The following SYNPO2 variants were observed in gnomAD, a reference collection of about 807,000 sequenced individuals.
SYNPO2 encodes synaptopodin-2.
In SYNPO2, 56 loss-of-function variants were observed where a neutral mutation model predicts 85.0. The observed-to-expected ratio is 0.66, with a 90% CI of 0.53 to 0.82. The LOEUF is 0.82. SYNPO2 is among the 40% of genes least tolerant of loss of function. The pLI, the probability that SYNPO2 is intolerant of heterozygous loss-of-function variation, is 0.00. For synonymous variants in SYNPO2, 602 were observed against 591.1 expected (o/e 1.02, Z -0.27); for missense variants, 1,575 against 1,534.2 (o/e 1.03, Z -0.44).
chr4:119,045,660 T>A (rs1738850617), intron 4 of SYNPO2, among the ~76,000 whole-genome samples: 1 of 152,238 alleles, frequency 6.6e-6, no homozygotes, highest in Non-Finnish European at 1.5e-5. Flanking sequence ...AAGAGAGAAC[T>A]TCAGAAAATA....
chr4:118,900,227 A>C lies in SYNPO2; in HGVS notation c.105+11086A>C, dbSNP rs1262839085. 5.3e-5 allele frequency among the ~76,000 whole-genome samples: 8 copies of C among 152,298 alleles called. No homozygotes were observed. In the East Asian group the frequency reaches 1.2e-3, roughly 22 times the overall value. Reference sequence around the variant, plus strand: ...AGAATTTTCTTTCATTTCTTTTTGAAAATTTGCTTTCAAAGCAATTCATGT... The same window carrying C: ...AGAATTTTCTTTCATTTCTTTTTGACAATTTGCTTTCAAAGCAATTCATGT... On this transcript the variant is annotated intron_variant, in intron 1 of 4. Transcript: ENST00000307142.
chr4:118,985,682 C>G (rs563323032), intron 1 of SYNPO2, among the ~76,000 whole-genome samples: 2 of 152,216 alleles, frequency 1.3e-5, no homozygotes, highest in Admixed American at 6.5e-5. Flanking sequence ...TTAATCAATG[C>G]CAATTAGGCA....
Position 119,037,296 on chromosome 4 carries a change from GA to G in SYNPO2, c.3252+5277del, listed in dbSNP as rs1272059825. 88 of 1,291,138 alleles carry G rather than the reference GA, an allele frequency of 6.8e-5. No homozygotes were observed. The Middle Eastern group carries it at 1.0e-3, about 15-fold the overall frequency. 80.0% of individuals were successfully genotyped at this position (1,291,138 alleles called of 1,614,324 possible). A position where few individuals can be genotyped will look rare whatever the true frequency, so the allele number is the denominator to read the frequency against. ...TAATAACTACTGATGGTTTGTTCAT[GA>G]AAAAAAATTTTTAAATCAAAAGATT... On this transcript the variant is annotated intron_variant, in intron 4 of 4. Coordinates refer to ENST00000307142, the MANE Select transcript of SYNPO2 (RefSeq NM_133477.3).
chr4:118,965,856 G>A (rs1735298378), intron 1 of SYNPO2, among the ~76,000 whole-genome samples: 1 of 152,014 alleles, frequency 6.6e-6, no homozygotes, highest in Non-Finnish European at 1.5e-5. Context: ...GCTGAGACGG[G>A]AGGATCACTT....
chr4:119,004,312 G>A (rs968244872), intron 1 of SYNPO2, among the ~76,000 whole-genome samples: 15 of 151,866 alleles, frequency 9.9e-5, no homozygotes, highest in Non-Finnish European at 1.8e-4. Flanking sequence ...TGCCATGTTG[G>A]TGTGCTGCAC....
chr4:119,037,290 G>A, intron 4 of SYNPO2: 1 of 1,306,140 alleles, frequency 7.7e-7, no homozygotes, highest in Non-Finnish European at 9.8e-7. Context: ...CTGATGGTTT[G>A]TTCATGAAAA....
chr4:119,015,217 C>T (rs1445078626), intron 1 of SYNPO2, among the ~76,000 whole-genome samples: 1 of 152,182 alleles, frequency 6.6e-6, no homozygotes, highest in Non-Finnish European at 1.5e-5. Flanking sequence ...CTCGAAATCA[C>T]ATGAGTTAGT....
intron 1 of SYNPO2, among the ~76,000 whole-genome samples, chr4:118,923,811 CCTT>C (rs1251809634): frequency 6.6e-6 from 1 of 151,298 alleles, no homozygotes; most frequent in Non-Finnish European, 1.5e-5. Flanking sequence ...TATTGAAACT[CCTT>C]CTCAGCTTCC....
intron 1 of SYNPO2, among the ~76,000 whole-genome samples, chr4:118,974,289 G>C (rs948389280): frequency 6.6e-6 from 1 of 152,254 alleles, no homozygotes; most frequent in Non-Finnish European, 1.5e-5. Flanking sequence ...TCCATACCTA[G>C]TTGTAGTGGT....
upstream of SYNPO2, among the ~76,000 whole-genome samples, chr4:118,888,111 C>A (rs1259077645): frequency 1.3e-5 from 2 of 152,026 alleles, no homozygotes; most frequent in African/African-American, 4.8e-5. Context: ...TGACATTGTA[C>A]ATTTTATGCA....
rs539419571 is a variant in SYNPO2, at chr4:118,942,396, A to G, written c.105+53255A>G. Among the ~76,000 whole-genome samples the G allele has an allele frequency of 3.9e-5, 6 of 152,310 alleles. No homozygotes were observed. The South Asian group carries it at 1.2e-3, about 32-fold the overall frequency. On this transcript the variant is annotated intron_variant, in intron 1 of 4. Transcript: ENST00000307142. ...CTCTGGCACTTGGTATATGCTCAGT[A>G]AATATTGACTGAATGAAAGAATGAA...
chr4:118,980,295 C>G (rs1452411138), intron 1 of SYNPO2, among the ~76,000 whole-genome samples: 1 of 152,098 alleles, frequency 6.6e-6, no homozygotes, highest in African/African-American at 2.4e-5. Context: ...GAGTGAAAAG[C>G]CTTGTTAGTC....
At chr4:119,036,918 G>A in intron 4 of SYNPO2, 2 of 1,195,658 alleles carry the variant, frequency 1.7e-6, no homozygotes, top group Non-Finnish European at 2.1e-6. Context: ...AGCCAATAAA[G>A]TGCATCCCAA....
At chr4:119,039,638 C>T (rs1738644388) in intron 4 of SYNPO2, among the ~76,000 whole-genome samples, 1 of 152,232 alleles carries the variant, frequency 6.6e-6, no homozygotes, top group South Asian at 2.1e-4. Context: ...CCACACGCCT[C>T]AAACACCTAC....
At chr4:118,982,642 G>A (rs1736074802) in intron 1 of SYNPO2, among the ~76,000 whole-genome samples, 2 of 152,156 alleles carry the variant, frequency 1.3e-5, no homozygotes, top group South Asian at 4.1e-4. Flanking sequence ...TATCTTTTTG[G>A]TAGTTTTCAC....
At chr4:118,873,121 C>T (rs1468229640) in intron 1 of SYNPO2, among the ~76,000 whole-genome samples, 1 of 152,150 alleles carries the variant, frequency 6.6e-6, no homozygotes, top group Non-Finnish European at 1.5e-5. Context: ...TAGGTTGATT[C>T]TATACGCTTG....
At chr4:118,876,720 T>G (rs1560813071) in intron 1 of SYNPO2, among the ~76,000 whole-genome samples, 8 of 135,572 alleles carry the variant, frequency 5.9e-5, no homozygotes, top group African/African-American at 2.2e-4. Flanking sequence ...TTTCTTTCTT[T>G]CTTTCTTTCT....
chr4:118,919,958 A>G (rs1313110923), intron 1 of SYNPO2, among the ~76,000 whole-genome samples: 1 of 152,238 alleles, frequency 6.6e-6, no homozygotes, highest in Admixed American at 6.5e-5. Flanking sequence ...AGATATTTAA[A>G]TAATGGGAAT....
chr4:119,036,909 G>T (rs1561016610), intron 4 of SYNPO2: 1 of 1,189,452 alleles, frequency 8.4e-7, no homozygotes. Context: ...AGGTTTGCCA[G>T]CCAATAAAGT....
Sources: allele counts gnomAD v4.1 joint callset (sites outside exome capture counted in the v4.1 genomes callset), GRCh38; gene constraint gnomAD v4.1.1; transcripts MANE v1.5; gene names NCBI Gene and HGNC (gene_info 2026-07-23, HGNC 2026-07-21).